The following PKD1L1 variants were observed in gnomAD, a reference collection of about 807,000 sequenced individuals.
PKD1L1 encodes polycystin-1-like protein 1.
PKD1L1 carries 236 observed loss-of-function variants against 323.4 expected under a neutral mutation model. That is an observed-to-expected ratio of 0.73 (90% CI 0.66 to 0.81). PKD1L1 has a LOEUF of 0.81. Among genes scored for constraint, PKD1L1 ranks in the 40% least tolerant of loss-of-function variants. PKD1L1 has a pLI of 0.00. For synonymous variants in PKD1L1, 1,344 were observed against 1,335.0 expected, an observed-to-expected ratio of 1.01 and a Z score of -0.15; for missense variants, 3,320 against 3,508.0, an observed-to-expected ratio of 0.95 and a Z score of 1.35.
chr7:47,911,196 G>C (rs1787315088), intron 8 of PKD1L1, among the ~76,000 whole-genome samples: 1 of 152,088 alleles, frequency 6.6e-6, no homozygotes, highest in Non-Finnish European at 1.5e-5. Flanking sequence ...GACTTCTCTT[G>C]AAATCTGGCT....
At chr7:47,790,267 A>G (rs1205388705) in intron 56 of PKD1L1, among the ~76,000 whole-genome samples, 4 of 152,160 alleles carry the variant, frequency 2.6e-5, no homozygotes, top group South Asian at 2.1e-4. Context: ...TCATTTGCCC[A>G]ATTTTCATAT....
At chr7:47,803,589 G>A (rs1198751548) in intron 52 of PKD1L1, among the ~76,000 whole-genome samples, 1 of 152,158 alleles carries the variant, frequency 6.6e-6, no homozygotes, top group Non-Finnish European at 1.5e-5. Flanking sequence ...CCATTTCTTT[G>A]AACACCAGGA....
chr7:47,836,090 G>A (rs772162290), intron 37 of PKD1L1, among the ~76,000 whole-genome samples: 19 of 152,168 alleles, frequency 1.2e-4, no homozygotes, highest in African/African-American at 1.9e-4. Context: ...CCAGGTGGAC[G>A]GAGCTGTTCC....
At chr7:47,903,843 C>T (rs1397424147) in intron 12 of PKD1L1, among the ~76,000 whole-genome samples, 1 of 152,186 alleles carries the variant, frequency 6.6e-6, no homozygotes, top group Non-Finnish European at 1.5e-5. Flanking sequence ...CAGTCTGCAC[C>T]TTATCATATC....
intron 8 of PKD1L1, among the ~76,000 whole-genome samples, chr7:47,914,497 C>T (rs1188068026): frequency 2.0e-5 from 3 of 152,122 alleles, no homozygotes; most frequent in Non-Finnish European, 4.4e-5. Context: ...TCTTCATAGG[C>T]AAGGCAGGGC....
chr7:47,958,441 A>G, the PKD1L1 span, among the ~76,000 whole-genome samples: 5 of 152,230 alleles, frequency 3.3e-5, no homozygotes, highest in Non-Finnish European at 7.3e-5. Context: ...AAATCAACTC[A>G]AGATGAATTA....
chr7:47,898,065 C>A lies in PKD1L1; in HGVS notation c.2194G>T (p.Ala732Ser), dbSNP rs563734324. 3 of 1,613,898 alleles carry A rather than the reference C, an allele frequency of 1.9e-6. No individual in the cohort carries two copies. In the South Asian group the frequency reaches 3.3e-5, roughly 18 times the overall value. The change falls in exon 14 of 57, where the codon GCT becomes TCT. Residue 732 changes from alanine (A) to serine (S), a missense_variant. Coordinates refer to ENST00000289672, the MANE Select transcript of PKD1L1 (RefSeq NM_138295.5). Reference protein sequence around the residue: ...SEGLPVSLPAAVDTHRQTLIL... With the variant: ...SEGLPVSLPASVDTHRQTLIL... ...AGGGTCTGTCTGTGAGTGTCCACAG[C>A]AGCAGGGAGGGAGACAGGGAGCCCT...
chr7:47,938,468 C>T (rs1251052181), intron 3 of PKD1L1, among the ~76,000 whole-genome samples: 2 of 152,186 alleles, frequency 1.3e-5, no homozygotes, highest in African/African-American at 4.8e-5. Context: ...GTACCTACAA[C>T]CCCTAAAAGG....
At chr7:47,816,476 T>C (rs1347688695) in intron 46 of PKD1L1, among the ~76,000 whole-genome samples, 1 of 152,156 alleles carries the variant, frequency 6.6e-6, no homozygotes, top group Non-Finnish European at 1.5e-5. Context: ...TAAAATCAAG[T>C]GTTCCTACGA....
intron 55 of PKD1L1, among the ~76,000 whole-genome samples, chr7:47,793,056 C>T (rs1250643805): frequency 1.5e-5 from 2 of 133,448 alleles, no homozygotes; most frequent in Non-Finnish European, 3.4e-5. Context: ...ATAAAAAAAA[C>T]TATTGAATGG....
intron 56 of PKD1L1, among the ~76,000 whole-genome samples, chr7:47,786,030 C>A (rs1786799251): frequency 6.6e-6 from 1 of 152,140 alleles, no homozygotes; most frequent in South Asian, 2.1e-4. Context: ...GTGTGAGGCA[C>A]CATGCCTGGC....
intron 11 of PKD1L1, 136 bp downstream of exon 11, chr7:47,905,021 A>T: frequency 1.1e-6 from 1 of 952,300 alleles, no homozygotes; most frequent in Non-Finnish European, 1.6e-6. Flanking sequence ...AGTTTGCTTC[A>T]CAGAAGGACC....
At chr7:47,857,971 G>A (rs1015380791) in intron 27 of PKD1L1, 139 bp from the exon 28 acceptor site, 1 of 733,400 alleles carries the variant, frequency 1.4e-6, no homozygotes, top group Non-Finnish European at 2.2e-6. Flanking sequence ...AAGAGCGCAG[G>A]TCTTAGGGCT....
chr7:47,955,448 A>G, the PKD1L1 span, among the ~76,000 whole-genome samples: 1 of 152,254 alleles, frequency 6.6e-6, no homozygotes, highest in Non-Finnish European at 1.5e-5. Context: ...TTGAAATAAA[A>G]AAAACACTCA....
chr7:47,828,310 T>C (rs7783295), intron 44 of PKD1L1, among the ~76,000 whole-genome samples: 61,209 of 151,428 alleles, frequency 0.4, 12,796 homozygotes, highest in East Asian at 0.63. Flanking sequence ...GAGGTTGGGA[T>C]GATAGAAAGA....
At chr7:47,824,589 C>A (rs903788397) in intron 45 of PKD1L1, among the ~76,000 whole-genome samples, 11 of 152,142 alleles carry the variant, frequency 7.2e-5, no homozygotes, top group African/African-American at 2.7e-4. Flanking sequence ...TCCTTCTCTC[C>A]CCATAAGTAA....
chr7:47,876,228 G>C lies in PKD1L1; in HGVS notation c.3664-11C>G. On this transcript the variant is annotated splice_polypyrimidine_tract_variant and intron_variant, in intron 22 of 56. Coordinates refer to ENST00000289672, the MANE Select transcript of PKD1L1 (RefSeq NM_138295.5). ...TTCATAATGGAAGTCCTATGATCCA[G>C]TCCAAGGGAGCAAAAATAGTATAAA... is the stretch of plus-strand genomic sequence containing the variant. 1.9e-6 allele frequency: 3 copies of C among 1,612,990 alleles called. No individual in the cohort carries two copies. The highest frequency in any genetic ancestry group is 2.5e-6 in the Non-Finnish European group (3 of 1,179,258).
chr7:47,846,787 G>C, intron 32 of PKD1L1, 92 bp downstream of exon 32: 1 of 1,191,972 alleles, frequency 8.4e-7, no homozygotes, highest in Non-Finnish European at 1.2e-6. Flanking sequence ...TATGGACAAG[G>C]TTCAGGAAAG....
intron 19 of PKD1L1, among the ~76,000 whole-genome samples, chr7:47,883,387 T>G (rs1304266355): frequency 2.0e-5 from 3 of 152,172 alleles, no homozygotes; most frequent in Non-Finnish European, 2.9e-5. Context: ...AGGCCTAGGA[T>G]CTGCTGAAAT....
Sources: gnomAD v4.1 joint callset for allele counts (sites outside exome capture counted in the v4.1 genomes callset) on GRCh38, gnomAD v4.1.1 for gene constraint, MANE v1.5 for transcripts, NCBI Gene and HGNC (gene_info 2026-07-23, HGNC 2026-07-21) for gene names.